VPS35L: variants seen among roughly 807,000 people sequenced by gnomAD.
The protein encoded by VPS35L is VPS35 endosomal protein-sorting factor-like.
A neutral mutation model predicts 133.0 loss-of-function variants in VPS35L; 83 were observed. The ratio of observed to expected loss-of-function variants is 0.62; its 90% confidence interval spans 0.52 to 0.75. The LOEUF (loss-of-function observed/expected upper bound fraction) is 0.75, where lower values mean the gene tolerates loss of function less well. Among genes scored for constraint, VPS35L ranks in the 30% least tolerant of loss-of-function variants. The pLI, the probability that VPS35L is intolerant of heterozygous loss-of-function variation, is 0.00. For missense variants in VPS35L, 1,083 were observed against 1,206.8 expected (o/e 0.90, Z 1.52); for synonymous variants, 423 against 449.9 (o/e 0.94, Z 0.76).
intron 8 of VPS35L, among the ~76,000 whole-genome samples, chr16:19,595,528 G>A (rs1286634799): frequency 6.6e-6 from 1 of 152,110 alleles, no homozygotes; most frequent in Admixed American, 6.5e-5. Context: ...CCTCTTGGCC[G>A]TCTGGTTCCC....
At position 19,629,819 on chromosome 16, in the gene VPS35L, C is replaced by T. The variant is rs912278861; in HGVS notation, c.1553C>T (p.Thr518Met). The change falls in exon 18 of 31, where the codon ACG becomes ATG. Residue 518 changes from threonine (T) to methionine (M), a missense_variant and splice_region_variant. Coordinates refer to ENST00000417362, the MANE Select transcript of VPS35L (RefSeq NM_020314.7). Reference protein sequence around the residue: ...VWVEYTCKHFTKREVNTVLAD... With the variant: ...VWVEYTCKHFMKREVNTVLAD... ...GTGGAATACACCTGCAAGCATTTCA[C>T]GGTATGTGTGACTGTGGTATTGTTT... The T allele has an allele frequency of 1.2e-5, 20 of 1,612,720 alleles. No homozygotes were observed. The highest frequency in any genetic ancestry group is 5.0e-5 in the Admixed American group (3 of 59,982).
At chr16:19,613,257 C>T (rs1196914721) in intron 12 of VPS35L, among the ~76,000 whole-genome samples, 1 of 152,160 alleles carries the variant, frequency 6.6e-6, no homozygotes, top group Non-Finnish European at 1.5e-5. Context: ...GAGCCAAGAT[C>T]GCGCCACTGC....
chr16:19,700,561 T>C lies in VPS35L; in HGVS notation c.*85T>C. 8.6e-7 allele frequency: 1 copy of C among 1,157,936 alleles called. No homozygotes were observed. Among genetic ancestry groups the C allele is most frequent in the South Asian group, 1.3e-5 (1 of 76,208 alleles). 71.7% of individuals were successfully genotyped at this position (1,157,936 alleles called of 1,614,324 possible). A position where few individuals can be genotyped will look rare whatever the true frequency, so the allele number is the denominator to read the frequency against. On this transcript the variant is annotated 3_prime_UTR_variant, in exon 31 of 31. Transcript: ENST00000417362. ...GCTGCCCTGAACTCTTACGGCAATT[T>C]AGGTTTCTCATTTTTCTTTTCTTTT... is the stretch of plus-strand genomic sequence containing the variant.
chr16:19,692,765 A>G (rs571279809), intron 29 of VPS35L, among the ~76,000 whole-genome samples: 1 of 152,150 alleles, frequency 6.6e-6, no homozygotes, highest in South Asian at 2.1e-4. Context: ...GTTTCACCAT[A>G]TTAGCCAGGC....
At chr16:19,580,736 C>G (rs529458557) in intron 6 of VPS35L, among the ~76,000 whole-genome samples, 1 of 152,274 alleles carries the variant, frequency 6.6e-6, no homozygotes, top group Non-Finnish European at 1.5e-5. Flanking sequence ...CCTGTACTCC[C>G]CTGAGAGTTT....
At position 19,651,879 on chromosome 16, in the gene VPS35L, T is replaced by C. The variant is rs551813735; in HGVS notation, c.2107-97T>C. 46 of 899,822 alleles carry C rather than the reference T, an allele frequency of 5.1e-5. No individual in the cohort carries two copies. The African/African-American group carries it at 5.4e-4, about 11-fold the overall frequency. The allele number at this position is 899,822 out of a possible 1,614,324, so 55.7% of individuals were successfully genotyped here. On this transcript the variant is annotated intron_variant, in intron 25 of 30. Transcript: ENST00000417362. ...CTCAGAATGTGGAGATTCACTGTTGTAAGTTTCTTTCCTTGGAAATACATG... is the reference window on the plus strand; with the variant it reads ...CTCAGAATGTGGAGATTCACTGTTGCAAGTTTCTTTCCTTGGAAATACATG...
chr16:19,664,793 G>A (rs1350385794), intron 26 of VPS35L, among the ~76,000 whole-genome samples: 1 of 151,716 alleles, frequency 6.6e-6, no homozygotes, highest in African/African-American at 2.4e-5. Context: ...TTAGCTACTC[G>A]GGAGGCTGAG....
At chr16:19,668,989 A>G (rs947526243) in intron 26 of VPS35L, among the ~76,000 whole-genome samples, 171 bp from the exon 27 acceptor site, 1 of 152,244 alleles carries the variant, frequency 6.6e-6, no homozygotes, top group Non-Finnish European at 1.5e-5. Flanking sequence ...CTGTCAAGCA[A>G]ATATTCCTCC....
chr16:19,570,730 GC>G (rs1318491656), intron 3 of VPS35L, among the ~76,000 whole-genome samples: 4 of 150,900 alleles, frequency 2.7e-5, no homozygotes, highest in Non-Finnish European at 5.9e-5. Flanking sequence ...TAAAGAGGCA[GC>G]CATGGAGGGA....
intron 21 of VPS35L, 48 bp from the exon 22 acceptor site, chr16:19,642,348 T>C (rs761872379): frequency 2.7e-6 from 4 of 1,507,980 alleles, no homozygotes. Context: ...ACTCTTGCAG[T>C]GCTGTCAGTG....
intron 1 of VPS35L, among the ~76,000 whole-genome samples, chr16:19,561,205 C>T (rs1971018575): frequency 6.6e-6 from 1 of 152,058 alleles, no homozygotes; most frequent in African/African-American, 2.4e-5. Flanking sequence ...CCTATCTCTA[C>T]TAAAAATACA....
rs541596928 is a variant in VPS35L, at chr16:19,574,600, C to CT, written c.409-486dup. Among the ~76,000 whole-genome samples the CT allele has an allele frequency of 3.4e-3, 497 of 145,422 alleles. 2 individuals carry two copies. Among genetic ancestry groups the CT allele is most frequent in the African/African-American group, 0.011 (434 of 39,782 alleles). On this transcript the variant is annotated intron_variant, in intron 4 of 30. Transcript: ENST00000417362. ...AATTGCTGGACTATTTAAATTGAGT[C>CT]TTTTTTTTTTTTAACTGTACAGAGT...
chr16:19,687,878 C>T (rs950810983), intron 28 of VPS35L, among the ~76,000 whole-genome samples: 5 of 151,858 alleles, frequency 3.3e-5, no homozygotes, highest in Non-Finnish European at 7.4e-5. Flanking sequence ...TTTGGGAGGC[C>T]AAGGCGGGAG....
intron 12 of VPS35L, chr16:19,611,637 TA>T (rs1381735261): frequency 6.6e-6 from 1 of 152,146 alleles, no homozygotes; most frequent in Non-Finnish European, 1.5e-5. Flanking sequence ...AGATATCCAT[TA>T]GGAAGGGCAC....
rs201084779 is a variant in VPS35L, at chr16:19,621,422, CA to C, written c.1224+4617del. ...CTTATTTTTACAATTTTTAGAAAAA[CA>C]AATGTTACATAAATAAGTGGCATGT... On this transcript the variant is annotated intron_variant, in intron 14 of 30. Transcript: ENST00000417362. Among the ~76,000 whole-genome samples, 512 of 152,242 alleles carry C rather than the reference CA, an allele frequency of 3.4e-3. 2 individuals carry two copies. The highest frequency in any genetic ancestry group is 5.2e-3 in the Non-Finnish European group (352 of 68,006).
Position 19,558,551 on chromosome 16 carries a change from G to A in VPS35L, c.17+2805G>A, listed in dbSNP as rs192479647. Among the ~76,000 whole-genome samples, 292 of 152,268 alleles carry A rather than the reference G, an allele frequency of 1.9e-3. 1 individual carries two copies. Among genetic ancestry groups the A allele is most frequent in the African/African-American group, 6.5e-3 (271 of 41,552 alleles). ...TGCTATCCCTGCTATATTTTGGCCTGGCTAGGAGATGAGATGTCCTGTATA... is the reference window on the plus strand; with the variant it reads ...TGCTATCCCTGCTATATTTTGGCCTAGCTAGGAGATGAGATGTCCTGTATA... On this transcript the variant is annotated intron_variant, in intron 1 of 30. Transcript: ENST00000417362.
intron 9 of VPS35L, among the ~76,000 whole-genome samples, chr16:19,607,004 G>A (rs226896): frequency 0.31 from 46,605 of 152,058 alleles, 8,416 homozygotes; most frequent in African/African-American, 0.49. Context: ...GTGGTGGGAT[G>A]GAGCTCTAAT....
intron 2 of VPS35L, among the ~76,000 whole-genome samples, chr16:19,567,602 A>G (rs977917727): frequency 1.3e-5 from 2 of 152,086 alleles, no homozygotes. Flanking sequence ...CCTAGACTGC[A>G]GTTCAACTCC....
At chr16:19,669,370 A>T in intron 27 of VPS35L, 71 bp downstream of exon 27, 1 of 1,495,996 alleles carries the variant, frequency 6.7e-7, no homozygotes. Flanking sequence ...ATGTGTTCTT[A>T]GGCCTAAAAC....
Sources: gnomAD v4.1 joint callset for allele counts (sites outside exome capture counted in the v4.1 genomes callset) on GRCh38, gnomAD v4.1.1 for gene constraint, MANE v1.5 for transcripts, NCBI Gene and HGNC (gene_info 2026-07-23, HGNC 2026-07-21) for gene names.